The following PAX3 variants were observed in gnomAD, a reference collection of about 807,000 sequenced individuals.
The protein encoded by PAX3 is paired box 3, also known as paired box protein Pax-3.
In PAX3, 14 loss-of-function variants were observed where a neutral mutation model predicts 51.6. The ratio of observed to expected loss-of-function variants is 0.27; its 90% CI spans 0.18 to 0.42. The LOEUF is 0.42. Ranked by LOEUF, PAX3 falls within the 10% of genes least tolerant of loss-of-function variation. The pLI, the probability that PAX3 is intolerant of heterozygous loss-of-function variation, is 1.00. For missense variants in PAX3, 540 were observed against 642.8 expected (o/e 0.84, Z 1.73); for synonymous variants, 280 against 253.4 (o/e 1.11, Z -1.00).
rs568151393 is a variant in PAX3, at chr2:222,251,774, G to A, written c.587-19491C>T. 5.9e-5 allele frequency among the ~76,000 whole-genome samples: 9 copies of A among 152,286 alleles called. No homozygotes were observed. In the South Asian group the frequency reaches 1.9e-3, roughly 32 times the overall value. ...CTCCACATCCTCTCCAGCACCTGTT[G>A]TTTCCTGACTTTTTAATGATCACCA... On this transcript the variant is annotated intron_variant, in intron 4 of 8. Transcript: ENST00000392070.
intron 5 of PAX3, among the ~76,000 whole-genome samples, chr2:222,223,102 C>T (rs896534010): frequency 5.3e-5 from 8 of 152,122 alleles, no homozygotes; most frequent in South Asian, 2.1e-4. Context: ...CATTTAAGAG[C>T]GGAGGAAAAG....
At chr2:222,246,249 G>A (rs1353322822) in intron 4 of PAX3, among the ~76,000 whole-genome samples, 8 of 152,136 alleles carry the variant, frequency 5.3e-5, no homozygotes, top group Middle Eastern at 3.4e-3. Flanking sequence ...AGCCCCACTC[G>A]TTCTTCCCAC....
At chr2:222,285,827 A>C (rs1694813499) in intron 4 of PAX3, among the ~76,000 whole-genome samples, 1 of 152,236 alleles carries the variant, frequency 6.6e-6, no homozygotes, top group Non-Finnish European at 1.5e-5. Flanking sequence ...TAAATTATCC[A>C]TATGATCCTG....
At chr2:222,236,033 CA>C (rs1692786009) in intron 4 of PAX3, among the ~76,000 whole-genome samples, 1 of 152,186 alleles carries the variant, frequency 6.6e-6, no homozygotes, top group Non-Finnish European at 1.5e-5. Flanking sequence ...TATGAAGCCA[CA>C]ATCTTACAAG....
chr2:222,279,632 A>C (rs2106172239), intron 4 of PAX3, among the ~76,000 whole-genome samples: 1 of 152,332 alleles, frequency 6.6e-6, no homozygotes, highest in South Asian at 2.1e-4. Context: ...TTTTTCCATA[A>C]GAATTTTCCA....
intron 4 of PAX3, among the ~76,000 whole-genome samples, chr2:222,289,990 T>C (rs1694971111): frequency 6.6e-6 from 1 of 152,196 alleles, no homozygotes; most frequent in Admixed American, 6.5e-5. Flanking sequence ...AAGGATCCGA[T>C]GCCATAAACC....
intron 4 of PAX3, among the ~76,000 whole-genome samples, chr2:222,260,810 G>A (rs1693836655): frequency 6.6e-6 from 1 of 151,574 alleles, no homozygotes. Context: ...AGGCTGGTCT[G>A]GAACTCCTGA....
chr2:222,254,925 G>A (rs1693581511), intron 4 of PAX3, among the ~76,000 whole-genome samples: 1 of 152,052 alleles, frequency 6.6e-6, no homozygotes, highest in Admixed American at 6.5e-5. Flanking sequence ...TGGTATTACA[G>A]GCATGCACCA....
At chr2:222,279,807 G>A (rs1694571457) in intron 4 of PAX3, among the ~76,000 whole-genome samples, 1 of 152,086 alleles carries the variant, frequency 6.6e-6, no homozygotes, top group Non-Finnish European at 1.5e-5. Context: ...ATGAAAGTTA[G>A]CCAACAAAGA....
intron 4 of PAX3, among the ~76,000 whole-genome samples, chr2:222,261,786 A>G (rs1445258051): frequency 1.3e-5 from 2 of 152,196 alleles, no homozygotes; most frequent in African/African-American, 4.8e-5. Context: ...AAATTAAATA[A>G]ATGATATAAA....
At position 222,296,916 on chromosome 2, in the gene PAX3, G is replaced by T. The variant is rs577328126; in HGVS notation, c.321+62C>A. On this transcript the variant is annotated intron_variant, in intron 2 of 8. Transcript: ENST00000392070. ...AGATGTCAGCCGTTACCCCCCGCCC[G>T]GTCTTCCCCAACACAGGGGACCACA... 2.9e-4 allele frequency: 394 copies of T among 1,380,442 alleles called. 1 individual carries two copies. The South Asian group carries it at 4.5e-3, about 16-fold the overall frequency. 85.5% of individuals were successfully genotyped at this position (1,380,442 alleles called of 1,614,324 possible).
At chr2:222,284,951 A>T (rs544833595) in intron 4 of PAX3, among the ~76,000 whole-genome samples, 11 of 152,346 alleles carry the variant, frequency 7.2e-5, no homozygotes, top group Admixed American at 2.0e-4. Context: ...ATGCAAGAAC[A>T]GACCACTTTC....
chr2:222,271,411 T>C (rs45578639), intron 4 of PAX3, among the ~76,000 whole-genome samples: 312 of 152,346 alleles, frequency 2.0e-3, no homozygotes, highest in African/African-American at 7.3e-3. Context: ...TAAATATAAC[T>C]GTGACAAGTT....
chr2:222,203,016 T>TATATATATAC (rs1363795646), intron 7 of PAX3, among the ~76,000 whole-genome samples: 7 of 39,298 alleles, frequency 1.8e-4, no homozygotes, highest in African/African-American at 7.3e-4. Context: ...CCATTTCATA[T>TATATATATAC]ATATATATAT....
Position 222,201,058 on chromosome 2 carries a change from C to A in PAX3, c.*350G>T. The A allele has an allele frequency of 9.0e-7, 1 of 1,106,810 alleles. No individual in the cohort carries two copies. Among genetic ancestry groups the A allele is most frequent in the Non-Finnish European group, 1.3e-6 (1 of 745,406 alleles). The allele number at this position is 1,106,810 out of a possible 1,614,324, so 68.6% of individuals were successfully genotyped here. A position where few individuals can be genotyped will look rare whatever the true frequency, so the allele number is the denominator to read the frequency against. On this transcript the variant is annotated 3_prime_UTR_variant, in exon 9 of 9. Coordinates refer to ENST00000392070, the MANE Select transcript of PAX3 (RefSeq NM_181458.4). Reference sequence around the variant, plus strand: ...ATACACACACACACACACACACGCACGCACGCACACAAGCAAATGGAATGT... The same window carrying A: ...ATACACACACACACACACACACGCAAGCACGCACACAAGCAAATGGAATGT...
chr2:222,250,512 G>A (rs16863571), intron 4 of PAX3, among the ~76,000 whole-genome samples: 18,537 of 152,018 alleles, frequency 0.12, 1,421 homozygotes, highest in Middle Eastern at 0.25. Flanking sequence ...CAGAAACTTC[G>A]AAAAAGGTAT....
At chr2:222,207,388 G>A (rs949629621) in intron 7 of PAX3, among the ~76,000 whole-genome samples, 1 of 152,180 alleles carries the variant, frequency 6.6e-6, no homozygotes, top group Non-Finnish European at 1.5e-5. Flanking sequence ...TTTCTCTTAA[G>A]GTATGTGTGG....
chr2:222,208,301 A>AT (rs34691906), intron 7 of PAX3, among the ~76,000 whole-genome samples: 47 of 151,030 alleles, frequency 3.1e-4, no homozygotes, highest in Non-Finnish European at 4.4e-4. Context: ...TATAGCAAAT[A>AT]TTTTTTTTTT....
rs1691239441 is a variant in PAX3 at position 222,200,157 on chromosome 2, A to G, written c.*1251T>C. On this transcript the variant is annotated 3_prime_UTR_variant, in exon 9 of 9. Coordinates refer to ENST00000392070, the MANE Select transcript of PAX3 (RefSeq NM_181458.4). ...TTCCAAGAATAGAAAGAAATAAATA[A>G]CACTGCCTTCCACCTTCTTGTTCCT... 4.6e-6 allele frequency: 1 copy of G among 217,052 alleles called. No homozygotes were observed. Among genetic ancestry groups the G allele is most frequent in the Non-Finnish European group, 9.3e-6 (1 of 107,580 alleles). The allele number at this position is 217,052 out of a possible 1,614,324, so 13.4% of individuals were successfully genotyped here.
Sources: allele counts gnomAD v4.1 joint callset (sites outside exome capture counted in the v4.1 genomes callset), GRCh38; gene constraint gnomAD v4.1.1; transcripts MANE v1.5; gene names NCBI Gene and HGNC (gene_info 2026-07-23, HGNC 2026-07-21).